The following SLC5A4 variants were observed in gnomAD, a reference collection of about 807,000 sequenced individuals.
The protein encoded by SLC5A4 is solute carrier family 5 member 4.
SLC5A4 carries 55 observed loss-of-function variants against 70.3 expected under a neutral mutation model. That is an observed-to-expected ratio of 0.78 (90% CI 0.63 to 0.98). SLC5A4 has a LOEUF of 0.98. Among genes scored for constraint, SLC5A4 ranks in the 50% least tolerant of loss-of-function variants. The pLI is 0.00. For missense variants in SLC5A4, 735 were observed against 839.2 expected (o/e 0.88, Z 1.53); for synonymous variants, 268 against 305.7 (o/e 0.88, Z 1.29).
At chr22:32,219,960 A>G (rs1309958442) in intron 14 of SLC5A4, among the ~76,000 whole-genome samples, 1 of 152,074 alleles carries the variant, frequency 6.6e-6, no homozygotes, top group African/African-American at 2.4e-5. Flanking sequence ...TCCAAAAACA[A>G]TTAATGAAAA....
chr22:32,323,398 C>A, the SLC5A4 span, among the ~76,000 whole-genome samples: 1 of 152,210 alleles, frequency 6.6e-6, no homozygotes, highest in East Asian at 1.9e-4. Context: ...TTCTACCAGA[C>A]CTCTCTCTGT....
At chr22:32,312,365 G>GCGCA in the SLC5A4 span, among the ~76,000 whole-genome samples, 7 of 102,214 alleles carry the variant, frequency 6.8e-5, no homozygotes, top group African/African-American at 2.2e-4. Flanking sequence ...ACGCGCGCGC[G>GCGCA]CACACACACA....
the SLC5A4 span, among the ~76,000 whole-genome samples, chr22:32,341,876 A>G: frequency 1.3e-5 from 2 of 152,316 alleles, no homozygotes; most frequent in Admixed American, 1.3e-4. Context: ...TATGTGAGTA[A>G]AGAGCATATT....
the SLC5A4 span, among the ~76,000 whole-genome samples, chr22:32,309,153 A>G: frequency 7.7e-6 from 1 of 129,738 alleles, no homozygotes; most frequent in Non-Finnish European, 1.9e-5. Context: ...TCAGAGGCTA[A>G]CATGAGGGCA....
the SLC5A4 span, among the ~76,000 whole-genome samples, chr22:32,353,598 G>C: frequency 4.1e-4 from 62 of 151,926 alleles, no homozygotes; most frequent in Non-Finnish European, 7.1e-4. Context: ...GCCCCCAACA[G>C]CACCCCTAAC....
chr22:32,256,017 A>G (rs897691053), upstream of SLC5A4, among the ~76,000 whole-genome samples: 5 of 152,166 alleles, frequency 3.3e-5, no homozygotes, highest in African/African-American at 1.2e-4. Context: ...GACTACAGCC[A>G]AGAAGAAGTT....
intron 9 of SLC5A4, among the ~76,000 whole-genome samples, chr22:32,232,324 G>A (rs1286990378): frequency 1.3e-5 from 2 of 152,132 alleles, no homozygotes; most frequent in Non-Finnish European, 2.9e-5. Context: ...ATAAAAATGA[G>A]TCCTCAATTA....
At chr22:32,318,952 G>A in the SLC5A4 span, among the ~76,000 whole-genome samples, 1 of 152,200 alleles carries the variant, frequency 6.6e-6, no homozygotes, top group African/African-American at 2.4e-5. Flanking sequence ...TGTTGTGAAG[G>A]TGTTTCATGA....
chr22:32,310,371 G>A, the SLC5A4 span, among the ~76,000 whole-genome samples: 2 of 152,204 alleles, frequency 1.3e-5, no homozygotes, highest in Non-Finnish European at 2.9e-5. Context: ...CTCAGTGGCA[G>A]AGCTGATGTC....
chr22:32,241,839 CTGTGTGTGTG>C (rs750938000), intron 5 of SLC5A4, among the ~76,000 whole-genome samples: 1 of 114,074 alleles, frequency 8.8e-6, no homozygotes, highest in Non-Finnish European at 2.0e-5. Flanking sequence ...ATATATATAT[CTGTGTGTGTG>C]TGTGTGTGTG....
chr22:32,231,038 T>A lies in SLC5A4; in HGVS notation c.1059A>T (p.Lys353Asn). The A allele has an allele frequency of 6.2e-7, 1 of 1,614,018 alleles. No individual in the cohort carries two copies. The highest frequency in any genetic ancestry group is 8.5e-7 in the Non-Finnish European group (1 of 1,179,900). Reference sequence around the variant, plus strand: ...TGCAGCCAACATCAACGCCACAGTGTTTCACGCATTCAGAAGGTACCACAC... The same window carrying A: ...TGCAGCCAACATCAACGCCACAGTGATTCACGCATTCAGAAGGTACCACAC... ...VACVVPSECVKHCGVDVGCTN... is the reference protein window; with the variant it reads ...VACVVPSECVNHCGVDVGCTN... The change falls in exon 10 of 15, where the codon AAA becomes AAT. Residue 353 changes from lysine (K) to asparagine (N), a missense_variant. Coordinates refer to ENST00000266086, the MANE Select transcript of SLC5A4 (RefSeq NM_014227.3).
intron 2 of SLC5A4, 46 bp from the exon 3 acceptor site, chr22:32,251,920 A>G (rs1284073017): frequency 1.4e-6 from 2 of 1,389,832 alleles, no homozygotes; most frequent in African/African-American, 1.4e-5. Flanking sequence ...AAAGATCCAA[A>G]TCAGACTTCT....
At chr22:32,326,960 G>A in the SLC5A4 span, among the ~76,000 whole-genome samples, 7 of 152,316 alleles carry the variant, frequency 4.6e-5, no homozygotes, top group South Asian at 2.1e-4. Context: ...ACTCACCCCC[G>A]CAGCCTCCAG....
At chr22:32,326,182 G>A in the SLC5A4 span, among the ~76,000 whole-genome samples, 4 of 152,200 alleles carry the variant, frequency 2.6e-5, no homozygotes, top group Admixed American at 2.6e-4. Flanking sequence ...GTGAACTGGA[G>A]ACAATGTGTT....
chr22:32,274,768 A>C, the SLC5A4 span, among the ~76,000 whole-genome samples: 2 of 152,246 alleles, frequency 1.3e-5, no homozygotes, highest in Non-Finnish European at 2.9e-5. Flanking sequence ...ACCGGAAAGA[A>C]ATATACCAGA....
the SLC5A4 span, among the ~76,000 whole-genome samples, chr22:32,348,225 A>C: frequency 6.6e-6 from 1 of 152,242 alleles, no homozygotes; most frequent in Non-Finnish European, 1.5e-5. Context: ...CCAGACACGC[A>C]GTAGAAACAC....
At chr22:32,261,234 C>T in the SLC5A4 span, among the ~76,000 whole-genome samples, 1 of 152,202 alleles carries the variant, frequency 6.6e-6, no homozygotes, top group Admixed American at 6.5e-5. Context: ...GTCCACACCC[C>T]AAGAGCTGGC....
the SLC5A4 span, among the ~76,000 whole-genome samples, chr22:32,261,481 G>A: frequency 6.6e-6 from 1 of 152,214 alleles, no homozygotes; most frequent in African/African-American, 2.4e-5. Context: ...ACAGAGAGCT[G>A]GAGCTTTCAG....
the SLC5A4 span, chr22:32,270,519 G>A: frequency 1.4e-6 from 1 of 720,698 alleles, no homozygotes; most frequent in Non-Finnish European, 2.5e-6. Flanking sequence ...ACCGCAGACA[G>A]TGATTCCTGA....
Sources: allele counts gnomAD v4.1 joint callset (sites outside exome capture counted in the v4.1 genomes callset), GRCh38; gene constraint gnomAD v4.1.1; transcripts MANE v1.5; gene names NCBI Gene and HGNC (gene_info 2026-07-23, HGNC 2026-07-21).